The following CSMD1 variants were observed in gnomAD, a reference collection of about 807,000 sequenced individuals.
CSMD1 encodes the protein CUB and Sushi multiple domains 1.
A neutral mutation model predicts 417.5 loss-of-function variants in CSMD1; 213 were observed. That is an observed-to-expected ratio of 0.51 (90% CI 0.46 to 0.57). The LOEUF is 0.57. CSMD1 is among the 20% of genes least tolerant of loss of function. The pLI, the probability that CSMD1 is intolerant of heterozygous loss-of-function variation, is 0.00. For missense variants in CSMD1, 6,923 were observed against 4,529.7 expected, an observed-to-expected ratio of 1.53 and a Z score of -15.17; for synonymous variants, 2,862 against 1,736.8, an observed-to-expected ratio of 1.65 and a Z score of -16.11.
At chr8:4,438,564 G>A (rs181342194) in intron 2 of CSMD1, among the ~76,000 whole-genome samples, 16 of 152,286 alleles carry the variant, frequency 1.1e-4, no homozygotes, top group Admixed American at 2.0e-4. Flanking sequence ...CTAAGCTGAC[G>A]GGAGTGTGGG....
In CSMD1 at chr8:4,655,952, C is replaced by A. The variant is rs146017281; in HGVS notation, c.86-18394G>T. 1.8e-3 allele frequency among the ~76,000 whole-genome samples: 278 copies of A among 152,132 alleles called. 3 individuals carry two copies. The highest frequency in any genetic ancestry group is 6.5e-3 in the African/African-American group (270 of 41,454). Reference sequence around the variant, plus strand: ...TCAGAGAAGACACAGATCTGTGCTCCCTGGAGTTCCATGTTAGTGCAGAGG... The same window carrying A: ...TCAGAGAAGACACAGATCTGTGCTCACTGGAGTTCCATGTTAGTGCAGAGG... On this transcript the variant is annotated intron_variant, in intron 1 of 69. Coordinates refer to ENST00000635120, the MANE Select transcript of CSMD1 (RefSeq NM_033225.6).
At chr8:3,904,269 C>A (rs1033259442) in intron 5 of CSMD1, among the ~76,000 whole-genome samples, 2 of 152,184 alleles carry the variant, frequency 1.3e-5, no homozygotes, top group African/African-American at 2.4e-5. Flanking sequence ...CCTTACCAAA[C>A]AAATCATAGG....
chr8:4,327,305 C>G (rs1449241626), intron 3 of CSMD1, among the ~76,000 whole-genome samples: 1 of 152,116 alleles, frequency 6.6e-6, no homozygotes, highest in Non-Finnish European at 1.5e-5. Context: ...TTTTTCTCTT[C>G]CTTCTTTTCA....
At chr8:4,983,605 C>T (rs1811013610) in intron 1 of CSMD1, among the ~76,000 whole-genome samples, 2 of 152,138 alleles carry the variant, frequency 1.3e-5, no homozygotes, top group African/African-American at 2.4e-5. Context: ...TGACTGCAAC[C>T]TCTGTCTCTA....
intron 3 of CSMD1, among the ~76,000 whole-genome samples, chr8:4,036,432 A>G (rs897533157): frequency 3.3e-4 from 50 of 152,244 alleles, no homozygotes; most frequent in Non-Finnish European, 6.3e-4. Context: ...AAGGAAAAAT[A>G]TCATTAATGA....
intron 3 of CSMD1, among the ~76,000 whole-genome samples, chr8:4,391,678 A>G (rs1225279140): frequency 6.6e-6 from 1 of 152,070 alleles, no homozygotes; most frequent in African/African-American, 2.4e-5. Context: ...GCTTACTTCC[A>G]CTTAGCTCTT....
At chr8:3,604,530 C>G (rs983602999) in intron 8 of CSMD1, among the ~76,000 whole-genome samples, 1 of 151,796 alleles carries the variant, frequency 6.6e-6, no homozygotes, top group Non-Finnish European at 1.5e-5. Flanking sequence ...ACATAGGATA[C>G]CAACCGAGAT....
intron 3 of CSMD1, among the ~76,000 whole-genome samples, chr8:4,329,133 T>A (rs937789025): frequency 3.3e-5 from 5 of 152,120 alleles, no homozygotes; most frequent in Non-Finnish European, 7.3e-5. Context: ...CTTCCAAACG[T>A]GTGTTATCTG....
intron 46 of CSMD1, among the ~76,000 whole-genome samples, chr8:3,097,461 C>CTT (rs1815396206): frequency 1.5e-5 from 1 of 65,044 alleles, no homozygotes; most frequent in Admixed American, 1.6e-4. Context: ...TACAGTAGGC[C>CTT]CCCTTACCCC....
At chr8:4,022,324 C>G (rs776544523) in intron 4 of CSMD1, among the ~76,000 whole-genome samples, 1 of 151,796 alleles carries the variant, frequency 6.6e-6, no homozygotes, top group Non-Finnish European at 1.5e-5. Flanking sequence ...TTAGTGAACA[C>G]CCCTCCAATT....
At chr8:4,367,123 C>G (rs993269203) in intron 3 of CSMD1, among the ~76,000 whole-genome samples, 1 of 152,038 alleles carries the variant, frequency 6.6e-6, no homozygotes, top group Non-Finnish European at 1.5e-5. Flanking sequence ...TTTACCAAGG[C>G]CAATGTTCAG....
At chr8:3,861,335 G>A (rs115713036) in intron 5 of CSMD1, among the ~76,000 whole-genome samples, 306 of 152,288 alleles carry the variant, frequency 2.0e-3, no homozygotes, top group African/African-American at 5.5e-3. Context: ...CATAACTGCC[G>A]GGCTCCACAA....
At chr8:3,373,614 T>C (rs901939100) in intron 18 of CSMD1, 1 of 152,210 alleles carries the variant, frequency 6.6e-6, no homozygotes, top group African/African-American at 2.4e-5. Flanking sequence ...AGGTGAGGGC[T>C]GTATTCATAT....
chr8:3,671,725 C>G (rs972121007), intron 7 of CSMD1, among the ~76,000 whole-genome samples: 1 of 151,732 alleles, frequency 6.6e-6, no homozygotes, highest in Admixed American at 6.6e-5. Context: ...GCATGCCCAG[C>G]ACCGGCAGGC....
chr8:4,701,538 G>T (rs1360661055), intron 1 of CSMD1, among the ~76,000 whole-genome samples: 1 of 151,986 alleles, frequency 6.6e-6, no homozygotes, highest in South Asian at 2.1e-4. Context: ...TCAATGGTGG[G>T]CATGGGAGGG....
chr8:3,043,447 A>G (rs1191451875), intron 50 of CSMD1, among the ~76,000 whole-genome samples: 1 of 152,130 alleles, frequency 6.6e-6, no homozygotes, highest in Non-Finnish European at 1.5e-5. Context: ...ATATAAACCT[A>G]TCACTAGATA....
chr8:3,680,839 C>G (rs1799617397), intron 7 of CSMD1, among the ~76,000 whole-genome samples: 1 of 152,174 alleles, frequency 6.6e-6, no homozygotes, highest in African/African-American at 2.4e-5. Context: ...GCTTATCCAC[C>G]ATGATCAAGT....
At chr8:3,243,331 C>A (rs1164754538) in intron 26 of CSMD1, among the ~76,000 whole-genome samples, 1 of 152,148 alleles carries the variant, frequency 6.6e-6, no homozygotes, top group African/African-American at 2.4e-5. Flanking sequence ...TCACTCGCGT[C>A]CATGTGAAGA....
intron 5 of CSMD1, among the ~76,000 whole-genome samples, chr8:3,824,989 A>T (rs1275657357): frequency 1.3e-5 from 2 of 152,128 alleles, no homozygotes; most frequent in East Asian, 1.9e-4. Context: ...ACATATTTTT[A>T]AAATTTTTAA....
Sources: allele counts gnomAD v4.1 joint callset (sites outside exome capture counted in the v4.1 genomes callset), GRCh38; gene constraint gnomAD v4.1.1; transcripts MANE v1.5; gene names NCBI Gene and HGNC (gene_info 2026-07-23, HGNC 2026-07-21).